ADAMTSL1: variants seen among roughly 807,000 people sequenced by gnomAD.
ADAMTSL1 encodes the protein ADAMTS like 1.
ADAMTSL1 carries 126 observed loss-of-function variants against 201.8 expected under a neutral mutation model. That is an observed-to-expected ratio of 0.62 (90% CI 0.54 to 0.72). The LOEUF (loss-of-function observed/expected upper bound fraction) is 0.72. Ranked by LOEUF, ADAMTSL1 falls within the 30% of genes least tolerant of loss-of-function variation. The pLI, the probability that ADAMTSL1 is intolerant of heterozygous loss-of-function variation, is 0.00. For missense variants in ADAMTSL1, 2,679 were observed against 2,277.8 expected, an observed-to-expected ratio of 1.18 and a Z score of -3.59; for synonymous variants, 1,121 against 903.4, an observed-to-expected ratio of 1.24 and a Z score of -4.32.
rs545621884 is a variant in ADAMTSL1 at position 18,577,260 on chromosome 9, C to T, written c.474+2994C>T. Among the ~76,000 whole-genome samples, 5 of 152,192 alleles carry T rather than the reference C, an allele frequency of 3.3e-5. No individual in the cohort carries two copies. In the South Asian group the frequency reaches 6.2e-4, roughly 19 times the overall value. ...GGGCATTTTGGTAGGCTGAGGAGGG[C>T]GGATCACTCGAGGTCCGGAGTTTGA... On this transcript the variant is annotated intron_variant, in intron 4 of 28. Coordinates refer to ENST00000380548, the MANE Select transcript of ADAMTSL1 (RefSeq NM_001040272.6).
intron 2 of ADAMTSL1, among the ~76,000 whole-genome samples, chr9:18,184,027 G>C (rs1006258102): frequency 2.0e-5 from 3 of 152,202 alleles, no homozygotes; most frequent in Non-Finnish European, 4.4e-5. Context: ...TTATTTCCCA[G>C]TGCTGTCTAA....
intron 26 of ADAMTSL1, chr9:18,905,573 T>A (rs1213417364): frequency 1.8e-6 from 1 of 550,830 alleles, no homozygotes; most frequent in Non-Finnish European, 3.3e-6. Flanking sequence ...GCTGGCAGAA[T>A]GCCCACAGAC....
intron 2 of ADAMTSL1, among the ~76,000 whole-genome samples, chr9:18,518,491 T>C (rs1474904293): frequency 6.6e-6 from 1 of 152,240 alleles, no homozygotes; most frequent in Non-Finnish European, 1.5e-5. Context: ...TCATTCTTTT[T>C]ATGGCTAAGT....
At chr9:18,059,256 G>A (rs1429033268) in intron 1 of ADAMTSL1, among the ~76,000 whole-genome samples, 2 of 152,100 alleles carry the variant, frequency 1.3e-5, no homozygotes, top group African/African-American at 4.8e-5. Flanking sequence ...GCAAAGGTAG[G>A]TTTCATGTCA....
chr9:18,713,067 C>T (rs1225309409), intron 14 of ADAMTSL1, among the ~76,000 whole-genome samples: 5 of 151,126 alleles, frequency 3.3e-5, no homozygotes, highest in Non-Finnish European at 5.9e-5. Context: ...TTTGTCACCA[C>T]CAGGCCTGCC....
intron 3 of ADAMTSL1, among the ~76,000 whole-genome samples, chr9:18,568,202 T>C (rs1822062356): frequency 6.6e-6 from 1 of 152,176 alleles, no homozygotes; most frequent in African/African-American, 2.4e-5. Flanking sequence ...AACACTGATT[T>C]TTTTTTTCCG....
intron 1 of ADAMTSL1, among the ~76,000 whole-genome samples, chr9:18,042,379 T>C (rs1205501137): frequency 6.6e-6 from 1 of 152,132 alleles, no homozygotes; most frequent in East Asian, 1.9e-4. Flanking sequence ...TGAGTGTTCA[T>C]TATATGCCAG....
At chr9:18,543,291 G>A (rs1431047597) in intron 3 of ADAMTSL1, among the ~76,000 whole-genome samples, 2 of 151,712 alleles carry the variant, frequency 1.3e-5, no homozygotes, top group African/African-American at 2.4e-5. Context: ...ACAAAAGGAT[G>A]TTCTTTAGGC....
At chr9:18,496,458 G>A (rs934542690) in intron 1 of ADAMTSL1, among the ~76,000 whole-genome samples, 1 of 152,160 alleles carries the variant, frequency 6.6e-6, no homozygotes, top group African/African-American at 2.4e-5. Context: ...CGCATCCCAT[G>A]GAACTTAATT....
chr9:17,916,378 C>G (rs1372487571), intron 1 of ADAMTSL1, among the ~76,000 whole-genome samples: 1 of 151,988 alleles, frequency 6.6e-6, no homozygotes. Context: ...TGATTTTGTT[C>G]TTGTTTCTAA....
intron 15 of ADAMTSL1, among the ~76,000 whole-genome samples, chr9:18,743,848 C>T (rs187328904): frequency 7.0e-4 from 107 of 152,254 alleles, no homozygotes; most frequent in Non-Finnish European, 1.3e-3. Context: ...TTCTAGAATA[C>T]AGTGGTTTTA....
intron 1 of ADAMTSL1, among the ~76,000 whole-genome samples, chr9:17,999,939 A>G (rs977764322): frequency 6.8e-6 from 1 of 148,074 alleles, no homozygotes; most frequent in Non-Finnish European, 1.5e-5. Context: ...TGAACTCATC[A>G]TTTTTTATGG....
intron 2 of ADAMTSL1, among the ~76,000 whole-genome samples, chr9:18,441,348 C>A (rs1819989108): frequency 6.6e-6 from 1 of 152,150 alleles, no homozygotes; most frequent in African/African-American, 2.4e-5. Flanking sequence ...AAAATACTGA[C>A]TCCATTCATT....
chr9:18,642,717 C>A (rs1240517722), intron 7 of ADAMTSL1, among the ~76,000 whole-genome samples: 2 of 151,914 alleles, frequency 1.3e-5, no homozygotes, highest in Non-Finnish European at 2.9e-5. Context: ...TTTCATTTAA[C>A]ATAATGTTCT....
At chr9:18,052,447 G>T (rs1391626448) in intron 1 of ADAMTSL1, among the ~76,000 whole-genome samples, 1 of 152,156 alleles carries the variant, frequency 6.6e-6, no homozygotes, top group Non-Finnish European at 1.5e-5. Flanking sequence ...GGGGGAGAAG[G>T]TTCTAGGCAG....
chr9:18,357,459 A>T (rs929665802), intron 2 of ADAMTSL1, among the ~76,000 whole-genome samples: 2 of 152,178 alleles, frequency 1.3e-5, no homozygotes, highest in African/African-American at 4.8e-5. Context: ...GAGGGCAGGG[A>T]GTTCTAGATC....
chr9:17,912,879 G>A (rs1825942226), intron 1 of ADAMTSL1, among the ~76,000 whole-genome samples: 1 of 151,678 alleles, frequency 6.6e-6, no homozygotes, highest in African/African-American at 2.4e-5. Context: ...GTAAGGAAGG[G>A]ATCCAGTTTC....
intron 2 of ADAMTSL1, among the ~76,000 whole-genome samples, chr9:18,529,232 A>G (rs984844023): frequency 3.9e-5 from 6 of 152,168 alleles, no homozygotes; most frequent in Admixed American, 2.0e-4. Flanking sequence ...AGATGTTCCA[A>G]TGTGTATCTA....
chr9:18,626,556 G>T (rs148874484), intron 5 of ADAMTSL1, among the ~76,000 whole-genome samples: 29 of 152,332 alleles, frequency 1.9e-4, no homozygotes, highest in African/African-American at 6.7e-4. Context: ...TAGAGAAAAT[G>T]ATATGAGGCT....
Sources: gnomAD v4.1 joint callset for allele counts (sites outside exome capture counted in the v4.1 genomes callset) on GRCh38, gnomAD v4.1.1 for gene constraint, MANE v1.5 for transcripts, NCBI Gene and HGNC (gene_info 2026-07-23, HGNC 2026-07-21) for gene names.